The following POLR2H variants were observed in gnomAD, a reference collection of about 807,000 sequenced individuals.
POLR2H encodes DNA-directed RNA polymerases I, II, and III subunit RPABC3.
Under a neutral mutation model 18.1 loss-of-function variants are expected in POLR2H, and 3 were observed. The observed-to-expected ratio is 0.17, with a 90% CI of 0.08 to 0.43. POLR2H has a LOEUF of 0.43. Among genes scored for constraint, POLR2H ranks in the 20% least tolerant of loss-of-function variants. The pLI, the probability that POLR2H is intolerant of heterozygous loss-of-function variation, is 0.99. For missense variants in POLR2H, 103 were observed against 184.6 expected (o/e 0.56, Z 2.56); for synonymous variants, 76 against 69.0 (o/e 1.10, Z -0.50).
intron 2 of POLR2H, chr3:184,364,659 A>G: frequency 2.3e-6 from 1 of 436,294 alleles, no homozygotes; most frequent in South Asian, 3.2e-5. Context: ...CACAGTGCCT[A>G]GCATAGAAAG....
At chr3:184,365,680 GAAAA>G (rs957816850) in intron 4 of POLR2H, among the ~76,000 whole-genome samples, 1 of 144,942 alleles carries the variant, frequency 6.9e-6, no homozygotes, top group Admixed American at 6.9e-5. Flanking sequence ...CAAAAAAAAA[GAAAA>G]AAATTCGGGC....
intron 2 of POLR2H, 81 bp downstream of exon 2, chr3:184,363,646 C>T (rs1712712618): frequency 1.8e-6 from 2 of 1,085,702 alleles, no homozygotes; most frequent in Admixed American, 3.8e-5. Context: ...CCACCCAGCT[C>T]TTGTGGCCTG....
intron 2 of POLR2H, chr3:184,364,630 T>A (rs1198450828): frequency 1.0e-5 from 3 of 293,708 alleles, no homozygotes; most frequent in African/African-American, 6.5e-5. Flanking sequence ...TTCTTATACA[T>A]CTTGGTCACT....
rs759661917 is a variant in POLR2H at position 184,366,700 on chromosome 3, C to T, written c.252-17C>T. ...TTAATTACTGTTAAGAATAACTTTG[C>T]TGCTATTGCTCCATAGGGCTGACCA... On this transcript the variant is annotated splice_polypyrimidine_tract_variant and intron_variant, in intron 4 of 5. Coordinates refer to ENST00000456318, the MANE Select transcript of POLR2H (RefSeq NM_006232.5). 7.0e-7 allele frequency: 1 copy of T among 1,420,634 alleles called. No individual in the cohort carries two copies. Among genetic ancestry groups the T allele is most frequent in the Admixed American group, 1.7e-5 (1 of 59,686 alleles). The allele number at this position is 1,420,634 out of a possible 1,614,324, so 88.0% of individuals were successfully genotyped here.
At chr3:184,363,707 G>A (rs368071488) in intron 2 of POLR2H, 142 bp downstream of exon 2, 2 of 636,306 alleles carry the variant, frequency 3.1e-6, no homozygotes, top group Non-Finnish European at 2.8e-6. Flanking sequence ...AACATTTTAT[G>A]GATGAGAAAA....
chr3:184,365,389 C>T (rs947644229), intron 4 of POLR2H, 163 bp downstream of exon 4: 13 of 643,340 alleles, frequency 2.0e-5, no homozygotes, highest in Non-Finnish European at 3.1e-5. Context: ...GGCCAGGCAC[C>T]GTGGCTCACA....
intron 4 of POLR2H, among the ~76,000 whole-genome samples, chr3:184,365,749 G>A (rs1265473177): frequency 2.0e-5 from 3 of 151,900 alleles, no homozygotes; most frequent in South Asian, 2.1e-4. Flanking sequence ...CGAGGCGGGC[G>A]GATCACGAGG....
chr3:184,366,854 T>C, intron 5 of POLR2H, 54 bp downstream of exon 5: 1 of 1,063,784 alleles, frequency 9.4e-7, no homozygotes, highest in African/African-American at 1.6e-5. Context: ...TCTGAGACTT[T>C]GAGCTATGCT....
rs1712543199 is a variant in POLR2H at position 184,363,191 on chromosome 3, C to G, written c.-302C>G. 2.2e-6 allele frequency: 1 copy of G among 454,658 alleles called. No homozygotes were observed. Among genetic ancestry groups the G allele is most frequent in the African/African-American group, 2.0e-5 (1 of 49,984 alleles). The allele number at this position is 454,658 out of a possible 1,614,324, so 28.2% of individuals were successfully genotyped here. A position where few individuals can be genotyped will look rare whatever the true frequency, so the allele number is the denominator to read the frequency against. Reference sequence around the variant, plus strand: ...AGGGCCCCAGCGGAGCGCGAGAACCCGCTCTACAGCCTATTGCTTCCCCGC... The same window carrying G: ...AGGGCCCCAGCGGAGCGCGAGAACCGGCTCTACAGCCTATTGCTTCCCCGC... On this transcript the variant is annotated 5_prime_UTR_variant, in exon 2 of 6. Transcript: ENST00000456318.
intron 2 of POLR2H, chr3:184,364,676 C>A (rs906893663): frequency 1.9e-5 from 9 of 481,440 alleles, no homozygotes; most frequent in Admixed American, 1.1e-4. Context: ...AAAGAGAAAA[C>A]CTTTGGATGA....
At chr3:184,364,621 T>C in intron 2 of POLR2H, 1 of 265,590 alleles carries the variant, frequency 3.8e-6, no homozygotes. Context: ...GGATACCAGT[T>C]CTTATACATC....
chr3:184,366,600 A>T (rs1193554920), intron 4 of POLR2H, 117 bp from the exon 5 acceptor site: 1 of 605,778 alleles, frequency 1.7e-6, no homozygotes, highest in Non-Finnish European at 3.0e-6. Flanking sequence ...GGCCTCCCAA[A>T]GTGCTGGGGT....
chr3:184,367,975 C>A, intron 5 of POLR2H: 2 of 721,902 alleles, frequency 2.8e-6, no homozygotes, highest in Non-Finnish European at 2.2e-6. Context: ...TTCCTAGTGA[C>A]AAAACAGTAG....
In POLR2H at chr3:184,362,942, C is replaced by A. The variant is rs1222033600; in HGVS notation, c.-551C>A. On this transcript the variant is annotated 5_prime_UTR_variant, in exon 2 of 6. Coordinates refer to ENST00000456318, the MANE Select transcript of POLR2H (RefSeq NM_006232.5). This position sits in a 1 kb window ranked among gnomAD's most constrained non-coding sequence, Gnocchi z 5.9. ...TACGTCCAGCAGGGCCGAGCCGGCC[C>A]AGGCCGGCCCCGGGGTCCTCGGTGC... 4 of 166,184 alleles carry A rather than the reference C, an allele frequency of 2.4e-5. No individual in the cohort carries two copies. The highest frequency in any genetic ancestry group is 2.4e-4 in the Admixed American group (4 of 16,910). 10.3% of individuals were successfully genotyped at this position (166,184 alleles called of 1,614,324 possible). A position where few individuals can be genotyped will look rare whatever the true frequency, so the allele number is the denominator to read the frequency against.
rs1712342851 is a variant in POLR2H, at chr3:184,362,560, G to C, written c.-620-313G>C. 1 of 153,290 alleles carries C rather than the reference G, an allele frequency of 6.5e-6. No homozygotes were observed. The highest frequency in any genetic ancestry group is 6.5e-5 in the Admixed American group (1 of 15,294). 9.5% of individuals were successfully genotyped at this position (153,290 alleles called of 1,614,324 possible). ...CTCAGGGGGCGGGAGCAGTGCCCGG[G>C]AAGGGGGGGCCTTGTGATAGAAGCC... On this transcript the variant is annotated intron_variant, in intron 1 of 5. Transcript: ENST00000456318. The surrounding 1 kb of genome is among the most constrained non-coding windows in gnomAD (Gnocchi z 5.9).
chr3:184,363,660 CT>C, intron 2 of POLR2H, 95 bp downstream of exon 2: 1 of 908,418 alleles, frequency 1.1e-6, no homozygotes, highest in Non-Finnish European at 1.8e-6. Context: ...TGGCCTGCCC[CT>C]ACCAGCAGGT....
chr3:184,365,353 A>C, intron 4 of POLR2H, 127 bp downstream of exon 4: 1 of 742,462 alleles, frequency 1.3e-6, no homozygotes. Flanking sequence ...ACCTTAAGGA[A>C]ATTTCTGCAC....
chr3:184,367,145 CTGTG>C (rs139867729), intron 5 of POLR2H, among the ~76,000 whole-genome samples: 3 of 48,130 alleles, frequency 6.2e-5, no homozygotes, highest in Non-Finnish European at 9.0e-5. Flanking sequence ...CTGTAAAAGG[CTGTG>C]TGTGTGTGTG....
At chr3:184,366,338 A>ATT (rs567119001) in intron 4 of POLR2H, among the ~76,000 whole-genome samples, 18,701 of 135,066 alleles carry the variant, frequency 0.14, 1,578 homozygotes, top group African/African-American at 0.24. Flanking sequence ...ACCAGTAACC[A>ATT]TTTTTTTTTT....
Sources: gnomAD v4.1 joint callset for allele counts (sites outside exome capture counted in the v4.1 genomes callset) on GRCh38, gnomAD v4.1.1 for gene constraint, Gnocchi (gnomAD v3.1) non-coding constraint, MANE v1.5 for transcripts, NCBI Gene and HGNC (gene_info 2026-07-23, HGNC 2026-07-21) for gene names.